The following NFATC1 variants were observed in gnomAD, a reference collection of about 807,000 sequenced individuals.
NFATC1 encodes nuclear factor of activated T-cells, cytoplasmic 1.
NFATC1 carries 22 observed loss-of-function variants against 76.0 expected under a neutral mutation model. The ratio of observed to expected loss-of-function variants is 0.29; its 90% CI spans 0.21 to 0.41. NFATC1 has a LOEUF of 0.41. Ranked by LOEUF, NFATC1 falls within the 10% of genes least tolerant of loss-of-function variation. The pLI, the probability that NFATC1 is intolerant of heterozygous loss-of-function variation, is 1.00. For synonymous variants in NFATC1, 704 were observed against 613.1 expected, an observed-to-expected ratio of 1.15 and a Z score of -2.19; for missense variants, 1,357 against 1,337.7, an observed-to-expected ratio of 1.01 and a Z score of -0.23.
intron 9 of NFATC1, among the ~76,000 whole-genome samples, chr18:79,522,083 G>C (rs1265778271): frequency 9.9e-6 from 1 of 100,892 alleles, no homozygotes. Flanking sequence ...GTGTCTGTTG[G>C]GGGGGGCCGT....
rs117680682 is a variant in NFATC1 at position 79,504,005 on chromosome 18, G to T, written c.2782+17068G>T. ...CCTTCGTAGGACAGAGAGAGCGAGGGTCTTGGTCTGGATTAGGCTTTGGCT... is the reference window on the plus strand; with the variant it reads ...CCTTCGTAGGACAGAGAGAGCGAGGTTCTTGGTCTGGATTAGGCTTTGGCT... On this transcript the variant is annotated intron_variant, in intron 9 of 9. Coordinates refer to ENST00000427363, the MANE Select transcript of NFATC1 (RefSeq NM_001278669.2). Among the ~76,000 whole-genome samples, 1,184 of 152,322 alleles carry T rather than the reference G, an allele frequency of 7.8e-3. 5 individuals carry two copies. The highest frequency in any genetic ancestry group is 0.013 in the Non-Finnish European group (872 of 68,026).
intron 1 of NFATC1, among the ~76,000 whole-genome samples, chr18:79,402,530 G>T (rs996456593): frequency 1.3e-5 from 2 of 152,250 alleles, no homozygotes; most frequent in Non-Finnish European, 2.9e-5. Context: ...GCAGAGCTGG[G>T]CTGCTGGCTC....
intron 8 of NFATC1, chr18:79,471,034 C>T (rs974120354): frequency 1.3e-5 from 2 of 152,242 alleles, no homozygotes; most frequent in African/African-American, 4.8e-5. Flanking sequence ...CGGGGTGCTG[C>T]CCGGTGAGGA....
intron 3 of NFATC1, among the ~76,000 whole-genome samples, chr18:79,435,391 C>T (rs1269659857): frequency 1.3e-5 from 2 of 151,448 alleles, no homozygotes; most frequent in East Asian, 1.9e-4. Flanking sequence ...CGCTCTCACC[C>T]GGGCTGGAGT....
intron 6 of NFATC1, among the ~76,000 whole-genome samples, chr18:79,452,920 T>C (rs1025345710): frequency 6.6e-6 from 1 of 152,132 alleles, no homozygotes; most frequent in African/African-American, 2.4e-5. Context: ...CATTCAGCCT[T>C]GATAATGGGG....
intron 9 of NFATC1, among the ~76,000 whole-genome samples, chr18:79,514,564 CAAAAA>C (rs61341859): frequency 3.4e-4 from 16 of 47,236 alleles, no homozygotes; most frequent in African/African-American, 4.0e-4. Flanking sequence ...GACCCTGCCT[CAAAAA>C]AAAAAAAAAA....
At chr18:79,515,461 T>G (rs1600981283) in intron 9 of NFATC1, among the ~76,000 whole-genome samples, 1 of 145,762 alleles carries the variant, frequency 6.9e-6, no homozygotes, top group East Asian at 2.1e-4. Context: ...GGTGGGCGGG[T>G]GGTGGTGGTG....
intron 3 of NFATC1, among the ~76,000 whole-genome samples, chr18:79,442,005 C>T (rs979577300): frequency 2.0e-5 from 3 of 152,204 alleles, no homozygotes; most frequent in Admixed American, 6.5e-5. Flanking sequence ...CGTCAGTGCC[C>T]TGGCTCCGTG....
At chr18:79,449,039 C>T (rs2087343978) in intron 4 of NFATC1, 55 bp downstream of exon 4, 3 of 1,575,544 alleles carry the variant, frequency 1.9e-6, no homozygotes, top group Admixed American at 1.7e-5. Flanking sequence ...GGGGGCGTGC[C>T]TCCCTCCCAG....
intron 9 of NFATC1, among the ~76,000 whole-genome samples, chr18:79,505,809 G>A: frequency 6.7e-6 from 1 of 148,488 alleles, no homozygotes; most frequent in South Asian, 2.2e-4. Context: ...GTGGGAGGAG[G>A]TGGTGCTGGA....
intron 2 of NFATC1, among the ~76,000 whole-genome samples, chr18:79,429,738 C>A (rs935062751): frequency 2.0e-5 from 3 of 152,226 alleles, no homozygotes; most frequent in Admixed American, 2.0e-4. Context: ...CAAAACCAAT[C>A]ATCTTAATTG....
chr18:79,458,093 G>A (rs941662093), intron 6 of NFATC1, among the ~76,000 whole-genome samples: 5 of 152,162 alleles, frequency 3.3e-5, no homozygotes, highest in African/African-American at 1.2e-4. Flanking sequence ...CACATGCCTC[G>A]GTGTGAAAGG....
At chr18:79,494,970 C>T (rs564125513) in intron 9 of NFATC1, among the ~76,000 whole-genome samples, 103 of 152,156 alleles carry the variant, frequency 6.8e-4, no homozygotes, top group African/African-American at 1.9e-3. Context: ...AAGGCGAGAG[C>T]GGGCACACGC....
At chr18:79,396,451 GC>G in intron 1 of NFATC1, 100 bp downstream of exon 1, 1 of 733,896 alleles carries the variant, frequency 1.4e-6, no homozygotes, top group Non-Finnish European at 1.8e-6. Context: ...AGGGGTCCGG[GC>G]CAGAGAACGA....
At chr18:79,449,130 T>C in intron 4 of NFATC1, 146 bp downstream of exon 4, 1 of 715,474 alleles carries the variant, frequency 1.4e-6, no homozygotes, top group Non-Finnish European at 2.3e-6. Context: ...ATAAGTAAAC[T>C]TCACTCTTGC....
Position 79,410,735 on chromosome 18 carries a change from A to G in NFATC1, c.460A>G (p.Thr154Ala), listed in dbSNP as rs778700466. 6.2e-7 allele frequency: 1 copy of G among 1,612,910 alleles called. No individual in the cohort carries two copies. The highest frequency in any genetic ancestry group is 8.5e-7 in the Non-Finnish European group (1 of 1,179,980). The change falls in exon 2 of 10, where the codon ACG (threonine) becomes GCG (alanine). Residue 154 changes from threonine to alanine, a missense_variant. This residue lies in a region of NFATC1 where 691 missense variants were observed against 613.1 expected (regional missense o/e 1.13). Transcript: ENST00000427363. The surrounding 1 kb of genome is among the most constrained non-coding windows in gnomAD (Gnocchi z 6.7). Reference protein sequence around the residue: ...VLPSSKRSPSTATLSLPSLEA... With the variant: ...VLPSSKRSPSAATLSLPSLEA... ...CCCTAGCTCCAAACGGTCCCCCTCC[A>G]CGGCCACGCTGAGTCTGCCCAGCCT...
At chr18:79,430,572 G>A (rs1214223956) in intron 2 of NFATC1, among the ~76,000 whole-genome samples, 2 of 152,164 alleles carry the variant, frequency 1.3e-5, no homozygotes, top group African/African-American at 4.8e-5. Context: ...TAGTGGAGAC[G>A]GGGTTTCACC....
chr18:79,481,776 G>A (rs567081914), intron 8 of NFATC1, among the ~76,000 whole-genome samples: 16 of 152,010 alleles, frequency 1.1e-4, no homozygotes, highest in East Asian at 1.9e-4. Context: ...TAATTCCAGC[G>A]TGACCTGGTC....
chr18:79,491,775 C>T (rs930839911), intron 9 of NFATC1, among the ~76,000 whole-genome samples: 1 of 152,142 alleles, frequency 6.6e-6, no homozygotes, highest in Non-Finnish European at 1.5e-5. Flanking sequence ...GAGCTGCGTG[C>T]GGGGAGAGGG....
Sources: gnomAD v4.1 joint callset for allele counts (sites outside exome capture counted in the v4.1 genomes callset) on GRCh38, gnomAD v4.1.1 for gene constraint, gnomAD v4.1.1 regional missense constraint, Gnocchi (gnomAD v3.1) non-coding constraint, MANE v1.5 for transcripts, NCBI Gene and HGNC (gene_info 2026-07-23, HGNC 2026-07-21) for gene names.